CAAP1: variants seen among roughly 807,000 people sequenced by gnomAD.
CAAP1 encodes caspase activity and apoptosis inhibitor 1.
CAAP1 carries 20 observed loss-of-function variants against 34.0 expected under a neutral mutation model. The ratio of observed to expected loss-of-function variants is 0.59; its 90% CI spans 0.41 to 0.86. The LOEUF (loss-of-function observed/expected upper bound fraction) is 0.86, where lower values mean the gene tolerates loss of function less well. Ranked by LOEUF, CAAP1 falls within the 40% of genes least tolerant of loss-of-function variation. The pLI, the probability that CAAP1 is intolerant of heterozygous loss-of-function variation, is 0.00. For missense variants in CAAP1, 538 were observed against 450.5 expected, an observed-to-expected ratio of 1.19 and a Z score of -1.76; for synonymous variants, 213 against 166.7, an observed-to-expected ratio of 1.28 and a Z score of -2.14.
At chr9:26,886,070 G>T (rs1823731273) in intron 3 of CAAP1, 34 bp downstream of exon 3, 1 of 1,094,964 alleles carries the variant, frequency 9.1e-7, no homozygotes, top group South Asian at 1.7e-5. Flanking sequence ...TATTAACTAA[G>T]AAGTTGCCAG....
rs779189723 is a variant in CAAP1 at position 26,884,797 on chromosome 9, T to C, written c.665+13A>G. 3.2e-6 allele frequency: 5 copies of C among 1,585,078 alleles called. No individual in the cohort carries two copies. Among genetic ancestry groups the C allele is most frequent in the Non-Finnish European group, 4.3e-6 (5 of 1,163,562 alleles). The stretch of plus-strand genomic sequence containing the variant: ...AGAAATTTTGAAATAAAAATGAAAG[T>C]TTTTAAACTTACTGACTGACTAAAT... On this transcript the variant is annotated intron_variant, in intron 4 of 5. Transcript: ENST00000333916.
At chr9:26,843,056 T>A (rs557536790) in intron 5 of CAAP1, among the ~76,000 whole-genome samples, 1 of 152,308 alleles carries the variant, frequency 6.6e-6, no homozygotes, top group Admixed American at 6.5e-5. Flanking sequence ...CTAGAAGGTG[T>A]TTAAATACTT....
chr9:26,858,955 G>A (rs977212192), intron 5 of CAAP1, among the ~76,000 whole-genome samples: 8 of 134,886 alleles, frequency 5.9e-5, no homozygotes, highest in African/African-American at 1.2e-4. Context: ...CCGATATTGC[G>A]CCATGCACTC....
rs138829973 is a variant in CAAP1, at chr9:26,867,152, C to G, written c.666-6013G>C. Among the ~76,000 whole-genome samples the G allele has an allele frequency of 1.1e-4, 16 of 152,280 alleles. No homozygotes were observed. In the East Asian group the frequency reaches 2.9e-3, roughly 28 times the overall value. On this transcript the variant is annotated intron_variant, in intron 4 of 5. Coordinates refer to ENST00000333916, the MANE Select transcript of CAAP1 (RefSeq NM_024828.4). ...CAGTTTCAGCCTGGTATCATCCTCC[C>G]CACATATTCCCTGATGGAAAAATCT... is the stretch of plus-strand genomic sequence containing the variant.
At chr9:26,873,433 T>C (rs1166907992) in intron 4 of CAAP1, among the ~76,000 whole-genome samples, 1 of 152,188 alleles carries the variant, frequency 6.6e-6, no homozygotes, top group Non-Finnish European at 1.5e-5. Flanking sequence ...TTCATAAAGA[T>C]ATTTAGAGAA....
intron 4 of CAAP1, among the ~76,000 whole-genome samples, chr9:26,863,245 C>T (rs10967575): frequency 0.12 from 18,971 of 151,970 alleles, 2,127 homozygotes; most frequent in East Asian, 0.65. Context: ...CTGTTGAAGT[C>T]GCCAAACAGA....
At chr9:26,882,016 G>A (rs1823604340) in intron 4 of CAAP1, among the ~76,000 whole-genome samples, 1 of 152,202 alleles carries the variant, frequency 6.6e-6, no homozygotes, top group African/African-American at 2.4e-5. Context: ...CTTTGAACTT[G>A]AGGGAGATGA....
intron 5 of CAAP1, among the ~76,000 whole-genome samples, chr9:26,859,294 C>T (rs976801762): frequency 6.6e-6 from 1 of 152,172 alleles, no homozygotes; most frequent in Admixed American, 6.5e-5. Context: ...CTGAAGTTCT[C>T]ATAAAGAAAT....
chr9:26,892,137 G>C lies in CAAP1; in HGVS notation c.303+276C>G, dbSNP rs186319170. The C allele has an allele frequency of 1.8e-5, 14 of 767,288 alleles. No homozygotes were observed. In the East Asian group the frequency reaches 4.3e-4, roughly 24 times the overall value. The allele number at this position is 767,288 out of a possible 1,614,324, so 47.5% of individuals were successfully genotyped here. ...GCTTCCAACTCGTATTCTTCCGGCA[G>C]AGTGAAACCATAGGAGTGGAAGGAG... is the stretch of plus-strand genomic sequence containing the variant. On this transcript the variant is annotated intron_variant, in intron 1 of 5. Coordinates refer to ENST00000333916, the MANE Select transcript of CAAP1 (RefSeq NM_024828.4).
chr9:26,844,090 G>T (rs1438003211), intron 5 of CAAP1, among the ~76,000 whole-genome samples: 1 of 152,178 alleles, frequency 6.6e-6, no homozygotes, highest in Non-Finnish European at 1.5e-5. Context: ...AGGTGCAGTG[G>T]CTCATGCCTG....
At chr9:26,874,228 AAAAAAT>A (rs1823364797) in intron 4 of CAAP1, among the ~76,000 whole-genome samples, 1 of 151,520 alleles carries the variant, frequency 6.6e-6, no homozygotes, top group Non-Finnish European at 1.5e-5. Context: ...AAAAAAAAAA[AAAAAAT>A]TTTTTTTACA....
At chr9:26,843,265 A>G (rs764673016) in intron 5 of CAAP1, among the ~76,000 whole-genome samples, 4 of 152,210 alleles carry the variant, frequency 2.6e-5, no homozygotes, top group Non-Finnish European at 4.4e-5. Flanking sequence ...TTAGTTCACC[A>G]TAATTTTAAA....
chr9:26,850,095 CAA>C (rs1212789616), intron 5 of CAAP1, among the ~76,000 whole-genome samples: 1 of 152,166 alleles, frequency 6.6e-6, no homozygotes, highest in East Asian at 1.9e-4. Flanking sequence ...CTTGGCCTCC[CAA>C]AGTGTTGGGA....
At chr9:26,887,834 C>T (rs1236414737) in intron 1 of CAAP1, among the ~76,000 whole-genome samples, 1 of 152,154 alleles carries the variant, frequency 6.6e-6, no homozygotes, top group Non-Finnish European at 1.5e-5. Context: ...AAAGGCCATT[C>T]ACCCAAAAGC....
chr9:26,857,378 T>A (rs113687064), intron 5 of CAAP1, among the ~76,000 whole-genome samples: 18 of 152,226 alleles, frequency 1.2e-4, no homozygotes, highest in Non-Finnish European at 1.0e-4. Flanking sequence ...ACGCCTGTAA[T>A]CCCAACACTT....
intron 5 of CAAP1, among the ~76,000 whole-genome samples, chr9:26,850,058 TTGATCTGTGACCTCG>T (rs112721405): frequency 0.043 from 6,498 of 152,274 alleles, 476 homozygotes; most frequent in African/African-American, 0.15. Context: ...CAGGATGGTC[TTGATCTGTGACCTCG>T]TGATCCGCCC....
chr9:26,886,937 C>T (rs1823756017), intron 2 of CAAP1, among the ~76,000 whole-genome samples: 2 of 152,134 alleles, frequency 1.3e-5, no homozygotes, highest in African/African-American at 2.4e-5. Flanking sequence ...GCATTAACGC[C>T]AGGCACGGTG....
intron 4 of CAAP1, chr9:26,870,039 C>CTTTTTTTTTTTTTTTTTT (rs555433697): frequency 3.7e-6 from 1 of 269,186 alleles, no homozygotes. Context: ...GAAAGAATAA[C>CTTTTTTTTTTTTTTTTTT]TTTTTTTTTT....
At chr9:26,869,239 C>A (rs190538979) in intron 4 of CAAP1, among the ~76,000 whole-genome samples, 1 of 151,824 alleles carries the variant, frequency 6.6e-6, no homozygotes, top group African/African-American at 2.4e-5. Context: ...CGGTGAAATT[C>A]CTTTTATTTA....
Sources: allele counts gnomAD v4.1 joint callset (sites outside exome capture counted in the v4.1 genomes callset), GRCh38; gene constraint gnomAD v4.1.1; transcripts MANE v1.5; gene names NCBI Gene and HGNC (gene_info 2026-07-23, HGNC 2026-07-21).